ITGA4: variants seen among roughly 807,000 people sequenced by gnomAD.
ITGA4 encodes the protein integrin alpha-4.
Under a neutral mutation model 133.6 loss-of-function variants are expected in ITGA4, and 63 were observed. The ratio of observed to expected loss-of-function variants is 0.47; its 90% confidence interval spans 0.38 to 0.58. The LOEUF (loss-of-function observed/expected upper bound fraction) is 0.58. ITGA4 is among the 20% of genes least tolerant of loss of function. The pLI is 0.00. For synonymous variants in ITGA4, 483 were observed against 438.0 expected, an observed-to-expected ratio of 1.10 and a Z score of -1.28; for missense variants, 1,076 against 1,252.7, an observed-to-expected ratio of 0.86 and a Z score of 2.13.
chr2:181,538,218 T>TAAAG lies in ITGA4; in HGVS notation c.*2693_*2696dup, dbSNP rs777027354. On this transcript the variant is annotated 3_prime_UTR_variant, in exon 28 of 28. Transcript: ENST00000397033. Reference sequence around the variant, plus strand: ...AATCATTTCTTCCATGCTTCCTCCATAAAGACTGATAAGTCTTGGATGCAA... The same window carrying TAAAG: ...AATCATTTCTTCCATGCTTCCTCCATAAAGAAAGACTGATAAGTCTTGGATGCAA... 6.3e-7 allele frequency: 1 copy of TAAAG among 1,592,004 alleles called. No homozygotes were observed. The highest frequency in any genetic ancestry group is 2.2e-5 in the East Asian group (1 of 44,742).
chr2:181,514,455 T>C (rs1686566899), intron 17 of ITGA4, among the ~76,000 whole-genome samples: 1 of 152,094 alleles, frequency 6.6e-6, no homozygotes. Flanking sequence ...GATTGGATTT[T>C]ATACTTAAAT....
intron 27 of ITGA4, 92 bp downstream of exon 27, chr2:181,535,027 C>G: frequency 7.3e-7 from 1 of 1,364,738 alleles, no homozygotes; most frequent in Non-Finnish European, 9.8e-7. Flanking sequence ...TTAAATATTT[C>G]ACTATTTGAA....
chr2:181,534,448 G>A (rs754927917), intron 26 of ITGA4, 78 bp downstream of exon 26: 1 of 871,880 alleles, frequency 1.1e-6, no homozygotes, highest in Non-Finnish European at 1.9e-6. Context: ...ACTTCCTTCT[G>A]AGTAACTGAG....
chr2:181,498,729 G>T lies in ITGA4; in HGVS notation c.1647G>T (p.Gln549His). The T allele has an allele frequency of 1.2e-6, 2 of 1,612,162 alleles. No individual in the cohort carries two copies. The highest frequency in any genetic ancestry group is 2.2e-5 in the South Asian group (2 of 90,894). The change falls in exon 15 of 28, where the codon CAG becomes CAT. Residue 549 changes from glutamine to histidine, a missense_variant. Gln to His is a conservative substitution (Grantham distance 24). This residue lies in a region of ITGA4 where 365 missense variants were observed against 421.4 expected (regional missense o/e 0.87). Transcript: ENST00000397033. The stretch of plus-strand genomic sequence containing the variant: ...CTGACGTGATTACAGGAAGCATACA[G>T]GTGTCCAGCAGAGAAGCTAACTGTA... ...GTSDVITGSIQVSSREANCRT... is the reference protein window; with the variant it reads ...GTSDVITGSIHVSSREANCRT...
chr2:181,522,665 T>G (rs1399657587), intron 18 of ITGA4, among the ~76,000 whole-genome samples: 1 of 152,164 alleles, frequency 6.6e-6, no homozygotes, highest in African/African-American at 2.4e-5. Context: ...GTAACATTGA[T>G]CCTCCATCCT....
chr2:181,500,336 G>A (rs1176104414), intron 15 of ITGA4, among the ~76,000 whole-genome samples: 2 of 152,128 alleles, frequency 1.3e-5, no homozygotes, highest in Non-Finnish European at 2.9e-5. Context: ...CTTGAGTTCT[G>A]TCAAGGAGCT....
intron 17 of ITGA4, among the ~76,000 whole-genome samples, chr2:181,512,784 G>A (rs769005086): frequency 2.0e-5 from 3 of 152,104 alleles, no homozygotes; most frequent in Non-Finnish European, 4.4e-5. Context: ...AGAACTCTCA[G>A]TGCAGAAGTA....
intron 10 of ITGA4, among the ~76,000 whole-genome samples, chr2:181,487,129 G>C (rs1488242524): frequency 1.3e-5 from 2 of 152,034 alleles, no homozygotes; most frequent in African/African-American, 2.4e-5. Context: ...GAAAAAAATA[G>C]GTGTATATAC....
Position 181,526,928 on chromosome 2 carries a change from T to C in ITGA4, c.2340-369T>C, listed in dbSNP as rs955415335. ...CTCACTGCAACCTCTGCTTCTCGGG[T>C]TCAAGCGATTCTCCTGCCTCAGCCT... On this transcript the variant is annotated intron_variant, in intron 21 of 27. Transcript: ENST00000397033. Among the ~76,000 whole-genome samples, 4 of 146,426 alleles carry C rather than the reference T, an allele frequency of 2.7e-5. No individual in the cohort carries two copies. In the Admixed American group the frequency reaches 2.8e-4, roughly 10 times the overall value.
intron 2 of ITGA4, among the ~76,000 whole-genome samples, chr2:181,467,374 A>G (rs1029435809): frequency 1.3e-5 from 2 of 152,170 alleles, no homozygotes; most frequent in Non-Finnish European, 2.9e-5. Flanking sequence ...AAATGTCTGA[A>G]TTGGTGGGGA....
In ITGA4 at chr2:181,474,076, G is replaced by A. The variant is rs567401855; in HGVS notation, c.320-884G>A. Reference sequence around the variant, plus strand: ...AATTGTCATATGCCAACTGAAGAGGGTGAAAAGAAAGACAGCAAAAAGAAT... The same window carrying A: ...AATTGTCATATGCCAACTGAAGAGGATGAAAAGAAAGACAGCAAAAAGAAT... On this transcript the variant is annotated intron_variant, in intron 2 of 27. Coordinates refer to ENST00000397033, the MANE Select transcript of ITGA4 (RefSeq NM_000885.6). 2.0e-5 allele frequency among the ~76,000 whole-genome samples: 3 copies of A among 152,294 alleles called. No individual in the cohort carries two copies. In the East Asian group the frequency reaches 5.8e-4, roughly 29 times the overall value.
Position 181,499,797 on chromosome 2 carries a change from G to A in ITGA4, c.1695+1020G>A, listed in dbSNP as rs138715138. Among the ~76,000 whole-genome samples, 33 of 152,066 alleles carry A rather than the reference G, an allele frequency of 2.2e-4. 1 individual carries two copies. The East Asian group carries it at 4.1e-3, about 19-fold the overall frequency. ...CTTTTTTTCATGCTTCATAGATGTC[G>A]TTTTACTTACCTTAGTCAATTGTAG... On this transcript the variant is annotated intron_variant, in intron 15 of 27. Coordinates refer to ENST00000397033, the MANE Select transcript of ITGA4 (RefSeq NM_000885.6).
At chr2:181,470,812 C>T (rs930099996) in intron 2 of ITGA4, among the ~76,000 whole-genome samples, 2 of 152,140 alleles carry the variant, frequency 1.3e-5, no homozygotes, top group African/African-American at 4.8e-5. Flanking sequence ...GAGTTTGAGG[C>T]TGCAGTGAGC....
At chr2:181,459,667 A>G (rs975370905) in intron 2 of ITGA4, among the ~76,000 whole-genome samples, 3 of 152,228 alleles carry the variant, frequency 2.0e-5, no homozygotes, top group African/African-American at 7.2e-5. Context: ...TCACAGACCC[A>G]TACATTTTGG....
intron 4 of ITGA4, chr2:181,475,898 G>T: frequency 6.4e-7 from 1 of 1,556,280 alleles, no homozygotes; most frequent in Non-Finnish European, 8.7e-7. Flanking sequence ...CATGTCAGAG[G>T]ATATCTGCAG....
intron 9 of ITGA4, among the ~76,000 whole-genome samples, chr2:181,485,126 G>A (rs1247284709): frequency 1.3e-5 from 2 of 152,116 alleles, no homozygotes; most frequent in Non-Finnish European, 2.9e-5. Flanking sequence ...TGGTTCCAAA[G>A]GCCAGCTTCA....
chr2:181,527,148 C>A (rs933241030), intron 21 of ITGA4, 149 bp from the exon 22 acceptor site: 1 of 499,128 alleles, frequency 2.0e-6, no homozygotes, highest in South Asian at 2.4e-5. Context: ...AATTTAATTT[C>A]TTTTTAAATA....
intron 2 of ITGA4, 21 bp downstream of exon 2, chr2:181,458,338 G>T: frequency 6.2e-7 from 1 of 1,606,060 alleles, no homozygotes; most frequent in Non-Finnish European, 8.5e-7. Context: ...TATGGGACCA[G>T]GAGTTAGTGA....
At chr2:181,470,583 C>T in intron 2 of ITGA4, among the ~76,000 whole-genome samples, 1 of 152,088 alleles carries the variant, frequency 6.6e-6, no homozygotes, top group East Asian at 1.9e-4. Flanking sequence ...CCAGTCAAGG[C>T]TGAGTACTGA....
Sources: gnomAD v4.1 joint callset for allele counts (sites outside exome capture counted in the v4.1 genomes callset) on GRCh38, gnomAD v4.1.1 for gene constraint, gnomAD v4.1.1 regional missense constraint, MANE v1.5 for transcripts, NCBI Gene and HGNC (gene_info 2026-07-23, HGNC 2026-07-21) for gene names.